The following DENND1A variants were observed in gnomAD, a reference collection of about 807,000 sequenced individuals.
The protein encoded by DENND1A is DENN domain-containing protein 1A.
Under a neutral mutation model 113.7 loss-of-function variants are expected in DENND1A, and 51 were observed. That is an observed-to-expected ratio of 0.45 (90% CI 0.36 to 0.57). The LOEUF (loss-of-function observed/expected upper bound fraction) is 0.57. Among genes scored for constraint, DENND1A ranks in the 20% least tolerant of loss-of-function variants. The pLI is 0.00. For missense variants in DENND1A, 1,258 were observed against 1,395.9 expected, an observed-to-expected ratio of 0.90 and a Z score of 1.57; for synonymous variants, 565 against 570.8, an observed-to-expected ratio of 0.99 and a Z score of 0.14.
intron 5 of DENND1A, among the ~76,000 whole-genome samples, chr9:123,756,644 T>G (rs2070576865): frequency 6.6e-6 from 1 of 152,082 alleles, no homozygotes; most frequent in Admixed American, 6.5e-5. Flanking sequence ...TGTAGAGAAA[T>G]GCAAATGTAT....
At chr9:123,660,466 A>C (rs940810910) in intron 8 of DENND1A, among the ~76,000 whole-genome samples, 1 of 151,188 alleles carries the variant, frequency 6.6e-6, no homozygotes. Context: ...AAAAAAAAAA[A>C]CTTCCTAATC....
intron 12 of DENND1A, among the ~76,000 whole-genome samples, chr9:123,581,081 A>AGGGGCCATGTGGGCTCTGC (rs1264226695): frequency 6.7e-6 from 1 of 150,358 alleles, no homozygotes; most frequent in Non-Finnish European, 1.5e-5. Flanking sequence ...AGTAGGGCAG[A>AGGGGCCATGTGGGCTCTGC]GGGGCCATGT....
intron 13 of DENND1A, among the ~76,000 whole-genome samples, chr9:123,550,372 C>A (rs1454981491): frequency 6.6e-6 from 1 of 152,248 alleles, no homozygotes. Flanking sequence ...GAGGGCCACA[C>A]AAGCTAGCTG....
intron 13 of DENND1A, among the ~76,000 whole-genome samples, chr9:123,529,355 G>A (rs1313809573): frequency 1.3e-5 from 2 of 152,158 alleles, no homozygotes; most frequent in Non-Finnish European, 2.9e-5. Flanking sequence ...TCAGCACTCA[G>A]CACTCTGTGG....
intron 13 of DENND1A, among the ~76,000 whole-genome samples, chr9:123,458,582 G>A (rs979084847): frequency 6.6e-6 from 1 of 152,244 alleles, no homozygotes; most frequent in African/African-American, 2.4e-5. Flanking sequence ...AGGGAGACAT[G>A]CCCTCCAATG....
intron 12 of DENND1A, among the ~76,000 whole-genome samples, chr9:123,580,713 C>T (rs2058847904): frequency 6.6e-6 from 1 of 152,242 alleles, no homozygotes; most frequent in South Asian, 2.1e-4. Context: ...GCCTCAGATT[C>T]CTTGGACCAA....
chr9:123,610,691 G>T (rs891481911), intron 10 of DENND1A, among the ~76,000 whole-genome samples: 3 of 152,164 alleles, frequency 2.0e-5, no homozygotes, highest in African/African-American at 7.2e-5. Context: ...ACTCAGACTG[G>T]GGTGAACAGG....
chr9:123,817,100 G>A (rs1422657691), intron 2 of DENND1A, among the ~76,000 whole-genome samples: 1 of 152,090 alleles, frequency 6.6e-6, no homozygotes, highest in Non-Finnish European at 1.5e-5. Context: ...AACCTCAATG[G>A]TAACCCCGAT....
intron 21 of DENND1A, among the ~76,000 whole-genome samples, chr9:123,392,131 C>T (rs2042887164): frequency 6.6e-6 from 1 of 152,144 alleles, no homozygotes; most frequent in South Asian, 2.1e-4. Context: ...TTTTAAATAC[C>T]ATGTCAGAGA....
intron 19 of DENND1A, among the ~76,000 whole-genome samples, chr9:123,417,814 C>T (rs2044862723): frequency 6.6e-6 from 1 of 151,948 alleles, no homozygotes; most frequent in African/African-American, 2.4e-5. Context: ...CACAGGGGCA[C>T]ATGTCTCACC....
chr9:123,912,142 T>G lies in DENND1A; in HGVS notation c.17+17747A>C, dbSNP rs55637603. On this transcript the variant is annotated intron_variant, in intron 1 of 23. Transcript: ENST00000394215. The stretch of plus-strand genomic sequence containing the variant: ...AGTGGTATCCTTAAAATCTGTGTAC[T>G]TTACTGTATGTAAATGATATAACAG... 8.6e-3 allele frequency among the ~76,000 whole-genome samples: 1,307 copies of G among 152,330 alleles called. 9 individuals are homozygous for G. Among genetic ancestry groups the G allele is most frequent in the Middle Eastern group, 0.024 (7 of 294 alleles).
intron 18 of DENND1A, among the ~76,000 whole-genome samples, chr9:123,444,483 G>A (rs1174493960): frequency 5.3e-5 from 8 of 152,066 alleles, no homozygotes; most frequent in African/African-American, 2.4e-5. Flanking sequence ...GTGAAACCCC[G>A]TCTCTACCAA....
At chr9:123,645,431 C>T (rs1349528883) in intron 9 of DENND1A, among the ~76,000 whole-genome samples, 1 of 152,086 alleles carries the variant, frequency 6.6e-6, no homozygotes, top group African/African-American at 2.4e-5. Context: ...CCGCACCAGC[C>T]CCCATCTAAA....
intron 2 of DENND1A, among the ~76,000 whole-genome samples, chr9:123,863,707 G>A (rs1299154374): frequency 6.6e-6 from 1 of 152,102 alleles, no homozygotes; most frequent in Non-Finnish European, 1.5e-5. Flanking sequence ...GCACTCCCTA[G>A]GGAGAAATAA....
chr9:123,471,345 C>T (rs1488842477), intron 13 of DENND1A, among the ~76,000 whole-genome samples: 1 of 152,120 alleles, frequency 6.6e-6, no homozygotes, highest in African/African-American at 2.4e-5. Context: ...TGGGGATTGA[C>T]AATCGAGGCA....
intron 13 of DENND1A, among the ~76,000 whole-genome samples, chr9:123,554,417 A>C (rs539400764): frequency 1.3e-5 from 2 of 152,090 alleles, no homozygotes; most frequent in African/African-American, 2.4e-5. Flanking sequence ...GGGTCTCTCT[A>C]TGTTGCCCAG....
intron 5 of DENND1A, chr9:123,751,431 G>GA (rs2070018072): frequency 6.6e-6 from 1 of 152,168 alleles, no homozygotes; most frequent in African/African-American, 2.4e-5. Flanking sequence ...GTTGAGGTTT[G>GA]AAAAATCCAG....
chr9:123,453,931 T>A (rs148650766), intron 16 of DENND1A, among the ~76,000 whole-genome samples: 12 of 152,328 alleles, frequency 7.9e-5, no homozygotes, highest in African/African-American at 2.9e-4. Context: ...ATTACTCCTC[T>A]CTGATTTGCC....
intron 13 of DENND1A, among the ~76,000 whole-genome samples, chr9:123,510,741 T>C (rs539078946): frequency 5.9e-5 from 9 of 152,310 alleles, no homozygotes; most frequent in South Asian, 2.1e-4. Flanking sequence ...GGATAGGAGA[T>C]GTGGCCTTGA....
Sources: gnomAD v4.1 joint callset for allele counts (sites outside exome capture counted in the v4.1 genomes callset) on GRCh38, gnomAD v4.1.1 for gene constraint, MANE v1.5 for transcripts, NCBI Gene and HGNC (gene_info 2026-07-23, HGNC 2026-07-21) for gene names.